Variants in ATP6V1C2 observed in about 807,000 individuals in gnomAD.
The protein encoded by ATP6V1C2 is ATPase H+ transporting V1 subunit C2.
A neutral mutation model predicts 56.8 loss-of-function variants in ATP6V1C2; 45 were observed. The ratio of observed to expected loss-of-function variants is 0.79; its 90% CI spans 0.62 to 1.02. The LOEUF is 1.02. Among genes scored for constraint, ATP6V1C2 ranks in the 50% least tolerant of loss-of-function variants. ATP6V1C2 has a pLI of 0.00. For missense variants in ATP6V1C2, 463 were observed against 519.7 expected (o/e 0.89, Z 1.06); for synonymous variants, 220 against 201.3 (o/e 1.09, Z -0.79).
At chr2:10,722,704 A>T (rs930313695) in intron 1 of ATP6V1C2, 120 bp from the exon 2 acceptor site, 4 of 1,115,118 alleles carry the variant, frequency 3.6e-6, no homozygotes, top group East Asian at 5.0e-5. Context: ...TTGCAAATGG[A>T]TGTCCTTGGA....
In ATP6V1C2 at chr2:10,771,922, T is replaced by C; in HGVS notation, c.554T>C (p.Leu185Pro). The C allele has an allele frequency of 3.1e-6, 5 of 1,614,026 alleles. No homozygotes were observed. Among genetic ancestry groups the C allele is most frequent in the South Asian group, 1.1e-5 (1 of 91,076 alleles). ...GATTCTGAATATCTCGTCACACTTC[T>C]GGTCATCGTCCCCAAGTGAGTGCTG... Reference protein sequence around the residue: ...VLDSEYLVTLLVIVPKPNYSQ... With the variant: ...VLDSEYLVTLPVIVPKPNYSQ... The change falls in exon 7 of 14, where the codon CTG becomes CCG. Residue 185 changes from leucine to proline, a missense_variant. Physicochemically the swap from Leu to Pro is moderately conservative, Grantham distance 98. Coordinates refer to ENST00000272238, the MANE Select transcript of ATP6V1C2 (RefSeq NM_001039362.2).
intron 3 of ATP6V1C2, among the ~76,000 whole-genome samples, chr2:10,749,050 A>C (rs1242121129): frequency 6.6e-6 from 1 of 150,438 alleles, no homozygotes; most frequent in Non-Finnish European, 1.5e-5. Context: ...GAATCACTTG[A>C]ACCCGGGAGA....
intron 10 of ATP6V1C2, among the ~76,000 whole-genome samples, chr2:10,777,147 C>G (rs1665042757): frequency 6.6e-6 from 1 of 152,266 alleles, no homozygotes. Flanking sequence ...CCCAACTCAT[C>G]TCCTGCACTC....
intron 3 of ATP6V1C2, among the ~76,000 whole-genome samples, chr2:10,750,604 G>A (rs1398106001): frequency 6.6e-6 from 1 of 152,132 alleles, no homozygotes; most frequent in African/African-American, 2.4e-5. Context: ...AAAATGATGA[G>A]TGAGTTCTCT....
rs144577957 is a variant in ATP6V1C2 at position 10,729,841 on chromosome 2, T to C, written c.197+3272T>C. ...CTGCCCTCCAGCCTGGATGACAGAT[T>C]GAGACCCTGGCTGTGGGGTAGATGA... On this transcript the variant is annotated intron_variant, in intron 3 of 13. Coordinates refer to ENST00000272238, the MANE Select transcript of ATP6V1C2 (RefSeq NM_001039362.2). Among the ~76,000 whole-genome samples, 1,146 of 152,268 alleles carry C rather than the reference T, an allele frequency of 7.5e-3. 15 individuals are homozygous for C. The highest frequency in any genetic ancestry group is 0.027 in the African/African-American group (1,115 of 41,554).
At chr2:10,750,641 G>A (rs1363021446) in intron 3 of ATP6V1C2, among the ~76,000 whole-genome samples, 1 of 152,188 alleles carries the variant, frequency 6.6e-6, no homozygotes, top group Non-Finnish European at 1.5e-5. Flanking sequence ...ACAGAAACAA[G>A]TAGGGGTGCC....
intron 3 of ATP6V1C2, among the ~76,000 whole-genome samples, chr2:10,745,955 G>A (rs1274553857): frequency 6.6e-6 from 1 of 152,064 alleles, no homozygotes; most frequent in Non-Finnish European, 1.5e-5. Context: ...TCCTTTTAAG[G>A]CTGACTAGTG....
intron 4 of ATP6V1C2, among the ~76,000 whole-genome samples, chr2:10,762,770 C>T (rs1686504): frequency 1.3e-5 from 2 of 152,064 alleles, no homozygotes; most frequent in South Asian, 2.1e-4. Context: ...AGCCACCCAG[C>T]GAGAAAGCTG....
Position 10,777,593 on chromosome 2 carries a change from C to A in ATP6V1C2, c.834C>A (p.Ser278=). The change falls in exon 11 of 14, where the codon TCC becomes TCA. Residue 278 remains serine (S), a synonymous_variant. Transcript: ENST00000272238. The part of the protein sequence containing the change: ...LSDKKQQYQT[S]CVALKKGSST... ...CATTTCTGTGCCTTTAGCAAACTTC[C>A]TGTGTTGCTCTTAAAAAGGGATCAT... The A allele has an allele frequency of 6.2e-7, 1 of 1,611,558 alleles. No homozygotes were observed. Among genetic ancestry groups the A allele is most frequent in the Non-Finnish European group, 8.5e-7 (1 of 1,179,388 alleles).
intron 8 of ATP6V1C2, among the ~76,000 whole-genome samples, chr2:10,773,701 G>A (rs974667166): frequency 6.6e-6 from 1 of 152,156 alleles, no homozygotes; most frequent in Non-Finnish European, 1.5e-5. Context: ...ATTTTCCTCT[G>A]TACCTTTTTG....
chr2:10,755,681 A>G (rs1487282766), intron 4 of ATP6V1C2, among the ~76,000 whole-genome samples: 1 of 151,968 alleles, frequency 6.6e-6, no homozygotes, highest in African/African-American at 2.4e-5. Context: ...CACTCTCCCC[A>G]CCTGGGCAAT....
At chr2:10,743,159 C>G (rs1000684858) in intron 3 of ATP6V1C2, among the ~76,000 whole-genome samples, 2 of 152,156 alleles carry the variant, frequency 1.3e-5, no homozygotes, top group African/African-American at 4.8e-5. Context: ...CTCTGTTGCC[C>G]AGGCTGGACT....
intron 3 of ATP6V1C2, among the ~76,000 whole-genome samples, chr2:10,727,822 G>A (rs974476943): frequency 6.6e-6 from 1 of 151,768 alleles, no homozygotes; most frequent in African/African-American, 2.4e-5. Flanking sequence ...TCGCTTGAGC[G>A]GGGGAGGGGG....
At chr2:10,753,825 T>C (rs1001222785) in intron 3 of ATP6V1C2, among the ~76,000 whole-genome samples, 156 bp from the exon 4 acceptor site, 9 of 152,126 alleles carry the variant, frequency 5.9e-5, no homozygotes, top group African/African-American at 2.2e-4. Context: ...TGACCCACTG[T>C]GCCCGGCCGC....
rs73914806 is a variant in ATP6V1C2 at position 10,723,124 on chromosome 2, C to T, written c.129+146C>T. The stretch of plus-strand genomic sequence containing the variant: ...GGACAAGCTGAGGTTTGAGGATGGA[C>T]GGGGAGGTGATGGGCTAGGTGGGAT... On this transcript the variant is annotated intron_variant, in intron 2 of 13. Coordinates refer to ENST00000272238, the MANE Select transcript of ATP6V1C2 (RefSeq NM_001039362.2). 3.8e-3 allele frequency: 3,773 copies of T among 997,918 alleles called. 84 individuals carry two copies. The African/African-American group carries it at 0.053, about 14-fold the overall frequency. 61.8% of individuals were successfully genotyped at this position (997,918 alleles called of 1,614,324 possible).
In ATP6V1C2 at chr2:10,783,236, C is replaced by T. The variant is rs2148523272; in HGVS notation, c.1257C>T (p.Phe419=). The T allele has an allele frequency of 1.2e-6, 2 of 1,613,618 alleles. No individual in the cohort carries two copies. Among genetic ancestry groups the T allele is most frequent in the Non-Finnish European group, 1.7e-6 (2 of 1,179,546 alleles). Residue 419 remains phenylalanine (F), a synonymous_variant, in exon 14 of 14, where the codon TTC becomes TTT. Coordinates refer to ENST00000272238, the MANE Select transcript of ATP6V1C2 (RefSeq NM_001039362.2). ...NNQDYFPYVY[F]HIDLSLLD The stretch of plus-strand genomic sequence containing the variant: ...AAGACTATTTTCCTTATGTCTACTT[C>T]CATATTGACCTTAGTCTTCTTGACT...
At chr2:10,750,309 G>A (rs1188857488) in intron 3 of ATP6V1C2, among the ~76,000 whole-genome samples, 1 of 152,092 alleles carries the variant, frequency 6.6e-6, no homozygotes, top group Non-Finnish European at 1.5e-5. Context: ...TTGAGCTCAG[G>A]GGTTTGAGAC....
At chr2:10,722,000 G>A (rs1047824980) in intron 1 of ATP6V1C2, among the ~76,000 whole-genome samples, 7 of 152,226 alleles carry the variant, frequency 4.6e-5, no homozygotes, top group Admixed American at 1.3e-4. Context: ...GATTGGAGCG[G>A]GACCGGGAGT....
chr2:10,755,570 T>C (rs1663503210), intron 4 of ATP6V1C2, among the ~76,000 whole-genome samples: 1 of 152,214 alleles, frequency 6.6e-6, no homozygotes. Context: ...GCCTCTACTC[T>C]AACCAGCTGG....
Sources: allele counts gnomAD v4.1 joint callset (sites outside exome capture counted in the v4.1 genomes callset), GRCh38; gene constraint gnomAD v4.1.1; transcripts MANE v1.5; gene names NCBI Gene and HGNC (gene_info 2026-07-23, HGNC 2026-07-21).